NOX4: variants seen among roughly 807,000 people sequenced by gnomAD.
NOX4 encodes the protein kidney oxidase-1.
In NOX4, 69 loss-of-function variants were observed where a neutral mutation model predicts 87.6. The observed-to-expected ratio is 0.79, with a 90% CI of 0.65 to 0.96. The LOEUF (loss-of-function observed/expected upper bound fraction) is 0.96. Among genes scored for constraint, NOX4 ranks in the 40% least tolerant of loss-of-function variants. The pLI is 0.00. For missense variants in NOX4, 680 were observed against 681.5 expected (o/e 1.00, Z 0.02); for synonymous variants, 275 against 238.2 (o/e 1.15, Z -1.42).
upstream of NOX4, among the ~76,000 whole-genome samples, chr11:89,501,021 A>G (rs1361139729): frequency 3.3e-5 from 5 of 152,072 alleles, no homozygotes; most frequent in African/African-American, 9.7e-5. Flanking sequence ...TGCCATTACA[A>G]AACATATGCC....
At chr11:89,404,797 G>A (rs1942076942) in intron 8 of NOX4, among the ~76,000 whole-genome samples, 1 of 152,052 alleles carries the variant, frequency 6.6e-6, no homozygotes, top group Non-Finnish European at 1.5e-5. Flanking sequence ...GAAGGGGGAA[G>A]ATTAATGCTT....
intron 4 of NOX4, among the ~76,000 whole-genome samples, chr11:89,448,830 C>A (rs1409512708): frequency 1.3e-5 from 2 of 152,130 alleles, no homozygotes; most frequent in African/African-American, 4.8e-5. Flanking sequence ...TTGCAGTTAG[C>A]CAAGATTGTA....
At chr11:89,328,411 G>C (rs1945304790) in intron 17 of NOX4, among the ~76,000 whole-genome samples, 1 of 152,026 alleles carries the variant, frequency 6.6e-6, no homozygotes, top group African/African-American at 2.4e-5. Flanking sequence ...GGAGTAGAGG[G>C]GATATTGGTA....
chr11:89,415,503 C>T (rs552599936), intron 8 of NOX4, among the ~76,000 whole-genome samples: 5 of 152,132 alleles, frequency 3.3e-5, no homozygotes, highest in Admixed American at 2.0e-4. Context: ...TTTTTTGAAA[C>T]GTTTTTGACC....
At chr11:89,417,999 C>T (rs1324936067) in intron 8 of NOX4, among the ~76,000 whole-genome samples, 1 of 151,956 alleles carries the variant, frequency 6.6e-6, no homozygotes, top group Admixed American at 6.6e-5. Context: ...TAAAAAGAAA[C>T]ATCTAGTTTA....
At chr11:89,402,574 A>G in intron 8 of NOX4, 32 bp from the exon 9 acceptor site, 2 of 1,516,104 alleles carry the variant, frequency 1.3e-6, no homozygotes, top group Middle Eastern at 1.8e-4. Context: ...ACAAACAGAG[A>G]AATGAAAAGA....
At chr11:89,582,390 A>C in the NOX4 span, among the ~76,000 whole-genome samples, 1 of 152,126 alleles carries the variant, frequency 6.6e-6, no homozygotes, top group African/African-American at 2.4e-5. Context: ...AATTTCATTG[A>C]ATATATACCC....
chr11:89,423,282 A>C (rs1943185425), intron 7 of NOX4, among the ~76,000 whole-genome samples: 1 of 152,094 alleles, frequency 6.6e-6, no homozygotes, highest in Non-Finnish European at 1.5e-5. Context: ...GTAAATTTTC[A>C]TTATTTTTTA....
intron 7 of NOX4, among the ~76,000 whole-genome samples, chr11:89,427,347 C>A (rs776727749): frequency 6.6e-6 from 1 of 152,186 alleles, no homozygotes; most frequent in Non-Finnish European, 1.5e-5. Context: ...CAGCTCCTCA[C>A]TAGCAATGGA....
intron 17 of NOX4, among the ~76,000 whole-genome samples, chr11:89,332,790 T>A (rs1020011251): frequency 1.3e-5 from 2 of 151,926 alleles, no homozygotes; most frequent in Non-Finnish European, 2.9e-5. Flanking sequence ...TGGCTTTTGA[T>A]AAATCATTAT....
chr11:89,506,507 T>G, the NOX4 span, among the ~76,000 whole-genome samples: 5 of 151,732 alleles, frequency 3.3e-5, no homozygotes, highest in Admixed American at 6.6e-5. Flanking sequence ...GGAGAAAATT[T>G]TTGTAACCTT....
chr11:89,448,569 G>T (rs1208305305), intron 4 of NOX4, among the ~76,000 whole-genome samples: 1 of 152,038 alleles, frequency 6.6e-6, no homozygotes, highest in African/African-American at 2.4e-5. Flanking sequence ...ATCTACTAAT[G>T]AGTATTTCAC....
At chr11:89,430,399 A>C (rs1405390980) in intron 7 of NOX4, among the ~76,000 whole-genome samples, 1 of 152,206 alleles carries the variant, frequency 6.6e-6, no homozygotes, top group Non-Finnish European at 1.5e-5. Flanking sequence ...AATTAGGAAA[A>C]AAGGAAGTCA....
At chr11:89,505,729 G>T in the NOX4 span, among the ~76,000 whole-genome samples, 1 of 151,880 alleles carries the variant, frequency 6.6e-6, no homozygotes, top group African/African-American at 2.4e-5. Context: ...AAACTTGACT[G>T]ATATCAGTTC....
At chr11:89,557,727 C>T in the NOX4 span, among the ~76,000 whole-genome samples, 1 of 151,964 alleles carries the variant, frequency 6.6e-6, no homozygotes, top group Non-Finnish European at 1.5e-5. Context: ...CTCAGGATAC[C>T]TCATAAAACA....
At chr11:89,413,860 C>T (rs147020947) in intron 8 of NOX4, among the ~76,000 whole-genome samples, 5,253 of 151,968 alleles carry the variant, frequency 0.035, 320 homozygotes, top group African/African-American at 0.12. Flanking sequence ...ACATTGTATG[C>T]CTGTATCAAA....
At position 89,344,439 on chromosome 11, in the gene NOX4, AC is replaced by A. The variant is rs749949782; in HGVS notation, c.1218-2247del. On this transcript the variant is annotated intron_variant, in intron 13 of 17. Transcript: ENST00000263317. The stretch of plus-strand genomic sequence containing the variant: ...GTGGCACATGCTTGTAATCCCAGGT[AC>A]TAGGGAGGCTGAGGCAGGAGGATGG... Among the ~76,000 whole-genome samples, 16 of 152,118 alleles carry A rather than the reference AC, an allele frequency of 1.1e-4. No individual in the cohort carries two copies. The East Asian group carries it at 3.1e-3, about 29-fold the overall frequency.
intron 11 of NOX4, among the ~76,000 whole-genome samples, chr11:89,394,506 T>C (rs1392903077): frequency 6.6e-6 from 1 of 152,102 alleles, no homozygotes; most frequent in African/African-American, 2.4e-5. Context: ...GAAGTAATTT[T>C]TTTATTATTA....
At chr11:89,412,519 A>G (rs1382723603) in intron 8 of NOX4, among the ~76,000 whole-genome samples, 1 of 152,172 alleles carries the variant, frequency 6.6e-6, no homozygotes, top group Non-Finnish European at 1.5e-5. Context: ...TTTGGAAACT[A>G]TACAAATACA....
Sources: allele counts gnomAD v4.1 joint callset (sites outside exome capture counted in the v4.1 genomes callset), GRCh38; gene constraint gnomAD v4.1.1; transcripts MANE v1.5; gene names NCBI Gene and HGNC (gene_info 2026-07-23, HGNC 2026-07-21).